Variants in CELF2 observed in about 807,000 individuals in gnomAD.
CELF2 encodes CUG triplet repeat RNA-binding protein 2.
Under a neutral mutation model 62.6 loss-of-function variants are expected in CELF2, and 8 were observed. The ratio of observed to expected loss-of-function variants is 0.13; its 90% CI spans 0.07 to 0.23. CELF2 has a LOEUF of 0.23. Among genes scored for constraint, CELF2 ranks in the 10% least tolerant of loss-of-function variants. CELF2 has a pLI of 1.00. For missense variants in CELF2, 333 were observed against 671.0 expected (o/e 0.50, Z 5.56); for synonymous variants, 258 against 250.0 (o/e 1.03, Z -0.30).
the CELF2 span, among the ~76,000 whole-genome samples, chr10:10,710,566 T>C: frequency 6.6e-6 from 1 of 152,160 alleles, no homozygotes; most frequent in African/African-American, 2.4e-5. Flanking sequence ...AACAAACAGT[T>C]TGGGTGAAAA....
At chr10:10,614,039 A>G in the CELF2 span, among the ~76,000 whole-genome samples, 4 of 152,160 alleles carry the variant, frequency 2.6e-5, no homozygotes, top group African/African-American at 9.7e-5. Flanking sequence ...AGAATGAGGA[A>G]ATAAACAAAT....
chr10:10,548,715 G>A, the CELF2 span, among the ~76,000 whole-genome samples: 1 of 152,028 alleles, frequency 6.6e-6, no homozygotes, highest in Non-Finnish European at 1.5e-5. Context: ...TTATATAATA[G>A]TCATAAATAA....
chr10:10,533,546 G>C, the CELF2 span, among the ~76,000 whole-genome samples: 3 of 152,344 alleles, frequency 2.0e-5, no homozygotes, highest in South Asian at 6.2e-4. Flanking sequence ...TTACCTCAGA[G>C]TAACTTACAG....
At chr10:10,669,034 A>C in the CELF2 span, among the ~76,000 whole-genome samples, 1 of 152,226 alleles carries the variant, frequency 6.6e-6, no homozygotes, top group African/African-American at 2.4e-5. Flanking sequence ...TTTGTCCTAA[A>C]GGGGCTTTTA....
At chr10:11,179,665 A>T (rs1053189602) in intron 2 of CELF2, among the ~76,000 whole-genome samples, 2 of 152,212 alleles carry the variant, frequency 1.3e-5, no homozygotes, top group African/African-American at 4.8e-5. Flanking sequence ...CTACTGGGGC[A>T]TGATGGAATG....
intron 9 of CELF2, among the ~76,000 whole-genome samples, chr10:11,301,656 G>C (rs114744137): frequency 1.0e-4 from 15 of 148,686 alleles, no homozygotes; most frequent in African/African-American, 3.8e-4. Flanking sequence ...CGTGGCCCTC[G>C]GCAGCCCTGC....
chr10:10,498,711 C>T, the CELF2 span, among the ~76,000 whole-genome samples: 23 of 152,136 alleles, frequency 1.5e-4, no homozygotes, highest in Non-Finnish European at 2.8e-4. Context: ...TGTAACAAGC[C>T]AAGCAAGTGT....
chr10:11,199,260 T>G (rs1219994099), intron 2 of CELF2, among the ~76,000 whole-genome samples: 1 of 152,230 alleles, frequency 6.6e-6, no homozygotes, highest in Non-Finnish European at 1.5e-5. Flanking sequence ...GTTTCTGCGA[T>G]GTTATCTTCT....
At chr10:10,518,668 C>G in the CELF2 span, among the ~76,000 whole-genome samples, 5 of 151,638 alleles carry the variant, frequency 3.3e-5, no homozygotes. Flanking sequence ...ATAGTGGCAC[C>G]AATTTTTTAA....
intron 1 of CELF2, among the ~76,000 whole-genome samples, chr10:11,142,485 C>A (rs1473833688): frequency 2.6e-5 from 4 of 151,904 alleles, no homozygotes; most frequent in Admixed American, 2.0e-4. Context: ...GAGATCGAGA[C>A]CATCCTGGCT....
rs1050458245 is a variant in CELF2 at position 10,936,333 on chromosome 10, C to G, written c.89+16334C>G. Among the ~76,000 whole-genome samples, 1 of 152,192 alleles carries G rather than the reference C, an allele frequency of 6.6e-6. No homozygotes were observed. Among genetic ancestry groups the G allele is most frequent in the Non-Finnish European group, 1.5e-5 (1 of 68,034 alleles). ...ATCTGCATAATTGTGCAAAAATTCTCATGTTACATGACTGTTCTCCCTGCA... is the reference window on the plus strand; with the variant it reads ...ATCTGCATAATTGTGCAAAAATTCTGATGTTACATGACTGTTCTCCCTGCA... On this transcript the variant is annotated intron_variant, in intron 2 of 13. Coordinates refer to the CELF2 transcript ENST00000636488. The surrounding 1 kb of genome is among the most constrained non-coding windows in gnomAD (Gnocchi z 4.0).
the CELF2 span, among the ~76,000 whole-genome samples, chr10:10,660,264 A>G: frequency 6.6e-6 from 1 of 152,280 alleles, no homozygotes; most frequent in Non-Finnish European, 1.5e-5. Context: ...ATGATGTCAT[A>G]GCAACATTGC....
At chr10:11,161,331 A>G (rs1020390455) in intron 1 of CELF2, among the ~76,000 whole-genome samples, 2 of 152,216 alleles carry the variant, frequency 1.3e-5, no homozygotes, top group African/African-American at 4.8e-5. Flanking sequence ...ATTGGCACTC[A>G]GGATCTCATT....
At chr10:10,501,430 TG>T in the CELF2 span, among the ~76,000 whole-genome samples, 1 of 152,228 alleles carries the variant, frequency 6.6e-6, no homozygotes, top group Non-Finnish European at 1.5e-5. Context: ...TCCTGTCTTT[TG>T]CCCACTTTAT....
intron 1 of CELF2, among the ~76,000 whole-genome samples, chr10:11,096,733 G>A (rs763479553): frequency 4.1e-4 from 62 of 152,090 alleles, no homozygotes; most frequent in Non-Finnish European, 6.5e-4. Context: ...GTATCTTTTG[G>A]TTGTAACTTA....
intron 2 of CELF2, among the ~76,000 whole-genome samples, chr10:10,977,623 T>A (rs548714297): frequency 6.6e-6 from 1 of 152,318 alleles, no homozygotes; most frequent in South Asian, 2.1e-4. Context: ...TTTCTGAATG[T>A]CATCCCCTTC....
the CELF2 span, among the ~76,000 whole-genome samples, chr10:10,593,297 C>T: frequency 1.3e-5 from 2 of 152,176 alleles, no homozygotes; most frequent in African/African-American, 2.4e-5. Context: ...GCCAGCTTGG[C>T]CAGAGATGGA....
intron 1 of CELF2, among the ~76,000 whole-genome samples, chr10:11,163,533 A>G (rs1197113140): frequency 6.6e-6 from 1 of 152,250 alleles, no homozygotes; most frequent in Admixed American, 6.5e-5. Context: ...CATAAGAACA[A>G]GATAAACAAT....
intron 8 of CELF2, among the ~76,000 whole-genome samples, chr10:11,278,915 G>GC (rs1238421821): frequency 2.6e-5 from 4 of 152,190 alleles, no homozygotes; most frequent in Admixed American, 6.5e-5. Context: ...CTAGTAGGTG[G>GC]CAGGACCAAG....
Sources: gnomAD v4.1 joint callset for allele counts (sites outside exome capture counted in the v4.1 genomes callset) on GRCh38, gnomAD v4.1.1 for gene constraint, Gnocchi (gnomAD v3.1) non-coding constraint, MANE v1.5 for transcripts, NCBI Gene and HGNC (gene_info 2026-07-23, HGNC 2026-07-21) for gene names.